Variants in DDX60 observed in about 807,000 individuals in gnomAD.
DDX60 encodes the protein DExD/H-box helicase 60.
Under a neutral mutation model 212.8 loss-of-function variants are expected in DDX60, and 165 were observed. The ratio of observed to expected loss-of-function variants is 0.78; its 90% CI spans 0.68 to 0.88. The LOEUF is 0.88. Among genes scored for constraint, DDX60 ranks in the 40% least tolerant of loss-of-function variants. The pLI is 0.00. For synonymous variants in DDX60, 703 were observed against 685.3 expected, an observed-to-expected ratio of 1.03 and a Z score of -0.40; for missense variants, 1,905 against 2,003.9, an observed-to-expected ratio of 0.95 and a Z score of 0.94.
At chr4:168,323,439 T>C (rs1002281261), upstream of DDX60, among the ~76,000 whole-genome samples, 7 of 152,314 alleles carry the variant, frequency 4.6e-5, no homozygotes, top group African/African-American at 1.4e-4. Flanking sequence ...ATTTGCCACA[T>C]TGTAACTTTA....
At chr4:168,273,442 A>T in intron 17 of DDX60, 44 bp from the exon 18 acceptor site, 1 of 1,607,546 alleles carries the variant, frequency 6.2e-7, no homozygotes, top group Non-Finnish European at 8.5e-7. Context: ...TAATAGAGAG[A>T]GGTGAAATAT....
At chr4:168,223,617 T>C (rs1179550326) in intron 35 of DDX60, among the ~76,000 whole-genome samples, 6 of 152,066 alleles carry the variant, frequency 3.9e-5, no homozygotes, top group Non-Finnish European at 8.8e-5. Context: ...TTAGAAAGTA[T>C]TTAAATTTAG....
rs1440220658 is a variant in DDX60 at position 168,288,276 on chromosome 4, T to G, written c.1081A>C (p.Thr361Pro). ...CEYFILRNIH[T>P]FEFWNLNLIH... is the part of the protein sequence containing the mutation. ...AAATTCAGATTCCAAAATTCAAAAG[T>G]ATGTATATTTCTTAAGATGAAATAT... is the stretch of plus-strand genomic sequence containing the variant. The change falls in exon 9 of 38, where the codon ACT becomes CCT. Residue 361 changes from threonine (T) to proline (P), a missense_variant. Physicochemically the swap from Thr to Pro is conservative, Grantham distance 38 (BLOSUM62 -1). Coordinates refer to ENST00000393743, the MANE Select transcript of DDX60 (RefSeq NM_017631.6). The G allele has an allele frequency of 7.4e-6, 11 of 1,494,496 alleles. No individual in the cohort carries two copies. Among genetic ancestry groups the G allele is most frequent in the Non-Finnish European group, 1.0e-5 (11 of 1,091,388 alleles). 92.6% of individuals were successfully genotyped at this position (1,494,496 alleles called of 1,614,324 possible).
intron 33 of DDX60, among the ~76,000 whole-genome samples, chr4:168,230,036 A>G (rs1012454069): frequency 6.6e-6 from 1 of 152,096 alleles, no homozygotes; most frequent in Non-Finnish European, 1.5e-5. Flanking sequence ...AACATATTCC[A>G]TGGAAATGGA....
intron 2 of DDX60, 66 bp downstream of exon 2, chr4:168,311,190 T>C: frequency 6.4e-7 from 1 of 1,557,536 alleles, no homozygotes; most frequent in Non-Finnish European, 8.8e-7. Flanking sequence ...TTAATTCCAT[T>C]AAATCTATGT....
chr4:168,308,031 C>A lies in DDX60; in HGVS notation c.239G>T (p.Gly80Val). Residue 80 changes from glycine to valine, a missense_variant, in exon 4 of 38, where the codon GGA (glycine) becomes GTA (valine). Coordinates refer to ENST00000393743, the MANE Select transcript of DDX60 (RefSeq NM_017631.6). ...RYLVDLISKG[G>V]QFTIVFFKDA... ...CTTGAAGAAAACTATGGTGAATTGT[C>A]CTCCTTTGCTAATAAGATCCACAAG... 1 of 1,600,282 alleles carries A rather than the reference C, an allele frequency of 6.2e-7. No homozygotes were observed. The highest frequency in any genetic ancestry group is 8.5e-7 in the Non-Finnish European group (1 of 1,177,150).
In DDX60 at chr4:168,287,125, T is replaced by A. The variant is rs1390661816; in HGVS notation, c.1262A>T (p.Asp421Val). Residue 421 changes from aspartate (D) to valine (V), a missense_variant, in exon 10 of 38, where the codon GAC becomes GTC. By Grantham distance (152) the Asp-to-Val change is radical. Transcript: ENST00000393743. ...LWNTVSKLVR[D>V]FEVGQPFPLR... ...AGGAAATGGCTGTCCAACCTCAAAGTCTCTGACCAACTTTGATACGGTATT... is the reference window on the plus strand; with the variant it reads ...AGGAAATGGCTGTCCAACCTCAAAGACTCTGACCAACTTTGATACGGTATT... 17 of 1,612,590 alleles carry A rather than the reference T, an allele frequency of 1.1e-5. No individual in the cohort carries two copies. The highest frequency in any genetic ancestry group is 1.4e-5 in the Non-Finnish European group (17 of 1,179,424).
chr4:168,265,348 C>T (rs1289966142), intron 22 of DDX60: 1 of 152,066 alleles, frequency 6.6e-6, no homozygotes, highest in Non-Finnish European at 1.5e-5. Flanking sequence ...CTACACAAGA[C>T]CAGGAATTAT....
intron 11 of DDX60, 137 bp downstream of exon 11, chr4:168,285,256 G>T (rs1160517690): frequency 6.2e-6 from 4 of 644,000 alleles, no homozygotes; most frequent in South Asian, 1.9e-5. Flanking sequence ...TGAAAATTTT[G>T]ATTTTAAATT....
intron 26 of DDX60, among the ~76,000 whole-genome samples, chr4:168,254,746 A>T (rs6552571): frequency 6.6e-6 from 1 of 152,204 alleles, no homozygotes; most frequent in Admixed American, 6.5e-5. Flanking sequence ...GGAAAGATTC[A>T]GAGATGAGAT....
chr4:168,269,610 A>T (rs1422155587), intron 19 of DDX60, among the ~76,000 whole-genome samples: 1 of 152,154 alleles, frequency 6.6e-6, no homozygotes, highest in Non-Finnish European at 1.5e-5. Context: ...CAAAAAAAAA[A>T]AGTTTAAAAA....
chr4:168,293,521 G>A (rs1010700183), intron 7 of DDX60, among the ~76,000 whole-genome samples: 1 of 152,102 alleles, frequency 6.6e-6, no homozygotes, highest in Non-Finnish European at 1.5e-5. Flanking sequence ...TCCACCAAGT[G>A]CTAATATCCT....
At chr4:168,310,949 G>A (rs1318696195) in intron 3 of DDX60, 49 bp downstream of exon 3, 1 of 1,133,204 alleles carries the variant, frequency 8.8e-7, no homozygotes, top group Non-Finnish European at 1.3e-6. Context: ...TAGACATACA[G>A]GGAACATGAG....
intron 34 of DDX60, 84 bp downstream of exon 34, chr4:168,225,445 C>A: frequency 1.5e-6 from 2 of 1,351,810 alleles, no homozygotes; most frequent in Non-Finnish European, 2.0e-6. Context: ...TTCTGGGGTT[C>A]CACTCTTCTT....
chr4:168,302,728 A>G (rs1736699007), intron 5 of DDX60, among the ~76,000 whole-genome samples: 2 of 152,170 alleles, frequency 1.3e-5, no homozygotes, highest in Non-Finnish European at 2.9e-5. Context: ...CTTTGGAACC[A>G]ATATCACAAT....
intron 22 of DDX60, among the ~76,000 whole-genome samples, chr4:168,266,082 C>T (rs1410494942): frequency 6.6e-6 from 1 of 152,118 alleles, no homozygotes; most frequent in African/African-American, 2.4e-5. Flanking sequence ...TAGAAAATTA[C>T]CATCAGCCAG....
At chr4:168,236,077 AGAGG>A in intron 33 of DDX60, 171 bp downstream of exon 33, 1 of 506,114 alleles carries the variant, frequency 2.0e-6, no homozygotes, top group Non-Finnish European at 3.3e-6. Context: ...GTAGATTTAC[AGAGG>A]GAGACATCAA....
chr4:168,247,011 CCTCTCT>C (rs1734048262), intron 29 of DDX60, among the ~76,000 whole-genome samples: 1 of 152,128 alleles, frequency 6.6e-6, no homozygotes, highest in African/African-American at 2.4e-5. Context: ...CCTTTTCTAC[CCTCTCT>C]CACACACAAG....
At chr4:168,275,180 T>C (rs886254179) in intron 16 of DDX60, among the ~76,000 whole-genome samples, 165 bp downstream of exon 16, 2 of 152,228 alleles carry the variant, frequency 1.3e-5, no homozygotes, top group African/African-American at 4.8e-5. Context: ...AATCTCACTT[T>C]CTTTAAATGG....
Sources: gnomAD v4.1 joint callset for allele counts (sites outside exome capture counted in the v4.1 genomes callset) on GRCh38, gnomAD v4.1.1 for gene constraint, MANE v1.5 for transcripts, NCBI Gene and HGNC (gene_info 2026-07-23, HGNC 2026-07-21) for gene names.